Variants in GPC6 observed in about 807,000 individuals in gnomAD.
The protein encoded by GPC6 is glypican 6.
In GPC6, 14 loss-of-function variants were observed where a neutral mutation model predicts 55.2. The observed-to-expected ratio is 0.25, with a 90% confidence interval of 0.17 to 0.40. The LOEUF (loss-of-function observed/expected upper bound fraction) is 0.40. Among genes scored for constraint, GPC6 ranks in the 10% least tolerant of loss-of-function variants. GPC6 has a pLI of 1.00. For missense variants in GPC6, 641 were observed against 708.5 expected, an observed-to-expected ratio of 0.90 and a Z score of 1.08; for synonymous variants, 278 against 259.6, an observed-to-expected ratio of 1.07 and a Z score of -0.68.
At chr13:93,686,909 A>G (rs1373067804) in intron 2 of GPC6, among the ~76,000 whole-genome samples, 1 of 152,040 alleles carries the variant, frequency 6.6e-6, no homozygotes, top group Non-Finnish European at 1.5e-5. Context: ...TAATATATTG[A>G]GCTGAACATT....
At chr13:93,440,701 A>AT (rs67879094) in intron 1 of GPC6, among the ~76,000 whole-genome samples, 108,824 of 144,642 alleles carry the variant, frequency 0.75, 39,246 homozygotes, top group East Asian at 0.86. Context: ...TTATACACTG[A>AT]TTTTTTATTA....
At chr13:94,122,167 T>G (rs1886651859) in intron 4 of GPC6, among the ~76,000 whole-genome samples, 1 of 152,110 alleles carries the variant, frequency 6.6e-6, no homozygotes, top group Non-Finnish European at 1.5e-5. Context: ...GTAAGAGGTA[T>G]AAAAATGAAA....
At chr13:93,399,793 C>T (rs1032189714) in intron 1 of GPC6, among the ~76,000 whole-genome samples, 1 of 152,172 alleles carries the variant, frequency 6.6e-6, no homozygotes, top group Non-Finnish European at 1.5e-5. Flanking sequence ...ACCTTCCGAG[C>T]TTCCCAAATC....
chr13:93,635,643 A>G (rs1594330050), intron 2 of GPC6, among the ~76,000 whole-genome samples: 1 of 152,210 alleles, frequency 6.6e-6, no homozygotes, highest in South Asian at 2.1e-4. Flanking sequence ...AAATACAGCA[A>G]TCTGTCTTGC....
intron 4 of GPC6, among the ~76,000 whole-genome samples, chr13:94,196,191 T>C (rs999338429): frequency 6.6e-6 from 1 of 152,060 alleles, no homozygotes; most frequent in Non-Finnish European, 1.5e-5. Flanking sequence ...TTCAGTTTTT[T>C]TTTTTTTTCT....
chr13:93,896,408 C>A (rs902855657), intron 3 of GPC6, among the ~76,000 whole-genome samples: 1 of 151,966 alleles, frequency 6.6e-6, no homozygotes, highest in Non-Finnish European at 1.5e-5. Flanking sequence ...CATTTTTAAC[C>A]TCCAAAATTC....
intron 1 of GPC6, among the ~76,000 whole-genome samples, chr13:93,349,696 T>C (rs1045107001): frequency 2.0e-5 from 3 of 152,202 alleles, no homozygotes; most frequent in African/African-American, 7.2e-5. Context: ...AAAATAAATA[T>C]TTTAAGTCGA....
intron 3 of GPC6, among the ~76,000 whole-genome samples, chr13:93,853,285 G>A (rs1187841060): frequency 1.3e-5 from 2 of 151,484 alleles, no homozygotes; most frequent in African/African-American, 4.8e-5. Context: ...ACAATGCATC[G>A]GTGTGAACAA....
chr13:93,806,038 T>C (rs1188922054), intron 2 of GPC6, among the ~76,000 whole-genome samples: 1 of 152,194 alleles, frequency 6.6e-6, no homozygotes, highest in Non-Finnish European at 1.5e-5. Flanking sequence ...ATTTTCTCTT[T>C]GTAGAAACCT....
Position 93,890,503 on chromosome 13 carries a change from G to A in GPC6, c.711+59958G>A, listed in dbSNP as rs540355076. On this transcript the variant is annotated intron_variant, in intron 3 of 8. Transcript: ENST00000377047. The stretch of plus-strand genomic sequence containing the variant: ...AAACATATGCATAGGTTGTTACATC[G>A]AGTGCCTTTTGTTGTTATCGAAAGG... Among the ~76,000 whole-genome samples the A allele has an allele frequency of 1.5e-4, 23 of 152,018 alleles. No homozygotes were observed. In the South Asian group the frequency reaches 1.7e-3, roughly 11 times the overall value.
chr13:94,039,130 G>A lies in GPC6; in HGVS notation c.877+11236G>A, dbSNP rs564285126. 5.9e-4 allele frequency among the ~76,000 whole-genome samples: 89 copies of A among 152,076 alleles called. 1 individual carries two copies. Among genetic ancestry groups the A allele is most frequent in the Middle Eastern group, 3.4e-3 (1 of 294 alleles). On this transcript the variant is annotated intron_variant, in intron 4 of 8. Transcript: ENST00000377047. ...CTTTGGAGCTTGTGAGAAAACCAGC[G>A]CAGCTGAAATAGACTTACTTGCTGT...
intron 3 of GPC6, among the ~76,000 whole-genome samples, chr13:93,966,550 C>A (rs1880051811): frequency 6.6e-6 from 1 of 152,026 alleles, no homozygotes; most frequent in Non-Finnish European, 1.5e-5. Flanking sequence ...TAGCCCAGCC[C>A]AAGTCACCAA....
intron 1 of GPC6, among the ~76,000 whole-genome samples, chr13:93,300,933 C>T (rs1878654778): frequency 6.6e-6 from 1 of 150,662 alleles, no homozygotes; most frequent in Non-Finnish European, 1.5e-5. Flanking sequence ...GTGGGAGAAT[C>T]ATTTGAACCC....
At chr13:93,661,124 T>C (rs1362949285) in intron 2 of GPC6, among the ~76,000 whole-genome samples, 1 of 152,208 alleles carries the variant, frequency 6.6e-6, no homozygotes, top group African/African-American at 2.4e-5. Context: ...GAGAGAATGG[T>C]GGTCAAAGAT....
At chr13:94,374,142 AG>A (rs764411232) in intron 6 of GPC6, among the ~76,000 whole-genome samples, 96 of 152,122 alleles carry the variant, frequency 6.3e-4, no homozygotes, top group Admixed American at 1.2e-3. Context: ...GAGACTAGGA[AG>A]AAACTGCATC....
chr13:93,471,810 G>A (rs111751476), intron 1 of GPC6, among the ~76,000 whole-genome samples: 2 of 152,024 alleles, frequency 1.3e-5, no homozygotes, highest in African/African-American at 4.8e-5. Flanking sequence ...TCTATCCTGG[G>A]GAATATTCCA....
chr13:94,204,003 C>T (rs936633459), intron 4 of GPC6, among the ~76,000 whole-genome samples: 23 of 152,058 alleles, frequency 1.5e-4, no homozygotes, highest in African/African-American at 5.3e-4. Context: ...ATATGTTTAC[C>T]TACTTTATTG....
At chr13:94,324,997 G>A (rs7327380) in intron 6 of GPC6, among the ~76,000 whole-genome samples, 84,155 of 151,918 alleles carry the variant, frequency 0.55, 24,934 homozygotes, top group East Asian at 0.87. Flanking sequence ...TAGAATCCTC[G>A]TGGTGTCTGT....
chr13:93,241,188 C>T (rs1876416387), intron 1 of GPC6, among the ~76,000 whole-genome samples: 1 of 152,184 alleles, frequency 6.6e-6, no homozygotes, highest in African/African-American at 2.4e-5. Context: ...AAATTTCTAT[C>T]AAGACCAGAC....
Sources: gnomAD v4.1 joint callset for allele counts (sites outside exome capture counted in the v4.1 genomes callset) on GRCh38, gnomAD v4.1.1 for gene constraint, MANE v1.5 for transcripts, NCBI Gene and HGNC (gene_info 2026-07-23, HGNC 2026-07-21) for gene names.